The following SPOCK1 variants were observed in gnomAD, a reference collection of about 807,000 sequenced individuals.
SPOCK1 encodes the protein testican-1.
Under a neutral mutation model 55.3 loss-of-function variants are expected in SPOCK1, and 23 were observed. That is an observed-to-expected ratio of 0.42 (90% CI 0.30 to 0.59). The LOEUF (loss-of-function observed/expected upper bound fraction) is 0.59. Ranked by LOEUF, SPOCK1 falls within the 20% of genes least tolerant of loss-of-function variation. The probability of loss-of-function intolerance (pLI) is 0.22; values close to 1 mark genes in which losing one functional copy is unlikely to be tolerated. For synonymous variants in SPOCK1, 226 were observed against 221.0 expected (o/e 1.02, Z -0.20); for missense variants, 499 against 552.5 (o/e 0.90, Z 0.97).
At chr5:137,343,813 G>A (rs917403730) in intron 2 of SPOCK1, among the ~76,000 whole-genome samples, 3 of 152,186 alleles carry the variant, frequency 2.0e-5, no homozygotes, top group African/African-American at 7.2e-5. Context: ...AGCCTGTAAG[G>A]TGCTGGGGGC....
chr5:137,197,696 T>G (rs1755330038), intron 3 of SPOCK1, among the ~76,000 whole-genome samples: 1 of 152,202 alleles, frequency 6.6e-6, no homozygotes, highest in Non-Finnish European at 1.5e-5. Flanking sequence ...TAATGTGGAA[T>G]AGGAGATAAG....
intron 2 of SPOCK1, among the ~76,000 whole-genome samples, chr5:137,423,775 GCTGCACCCACTGTC>G (rs1752551620): frequency 6.6e-6 from 1 of 152,174 alleles, no homozygotes; most frequent in African/African-American, 2.4e-5. Flanking sequence ...TGCTCGGTGT[GCTGCACCCACTGTC>G]CTGCACCCAC....
At chr5:137,332,171 C>G (rs573632703) in intron 2 of SPOCK1, among the ~76,000 whole-genome samples, 1 of 152,140 alleles carries the variant, frequency 6.6e-6, no homozygotes, top group South Asian at 2.1e-4. Flanking sequence ...GCTTTTCATG[C>G]TCTTTTCCTC....
At chr5:137,039,107 C>A (rs964955899) in intron 6 of SPOCK1, among the ~76,000 whole-genome samples, 1 of 152,016 alleles carries the variant, frequency 6.6e-6, no homozygotes, top group Non-Finnish European at 1.5e-5. Flanking sequence ...TTGATCATTT[C>A]ATTAAAACCT....
At chr5:137,168,872 G>C (rs76383736) in intron 3 of SPOCK1, among the ~76,000 whole-genome samples, 2,037 of 152,224 alleles carry the variant, frequency 0.013, 46 homozygotes, top group African/African-American at 0.045. Flanking sequence ...GAGGAAATCA[G>C]TTAACTGAAG....
chr5:137,456,283 G>C (rs1753367596), intron 2 of SPOCK1, among the ~76,000 whole-genome samples: 1 of 151,976 alleles, frequency 6.6e-6, no homozygotes, highest in Non-Finnish European at 1.5e-5. Flanking sequence ...GCTTTCCTTT[G>C]GACAGGAGGA....
At chr5:137,203,067 T>G (rs1000692029) in intron 3 of SPOCK1, among the ~76,000 whole-genome samples, 1 of 152,230 alleles carries the variant, frequency 6.6e-6, no homozygotes, top group Admixed American at 6.5e-5. Flanking sequence ...TTCAGCTTTT[T>G]CAAGCCATTT....
At chr5:137,108,152 T>C (rs1334240227) in intron 5 of SPOCK1, among the ~76,000 whole-genome samples, 4 of 152,206 alleles carry the variant, frequency 2.6e-5, no homozygotes, top group Non-Finnish European at 5.9e-5. Context: ...TCCAACAGGT[T>C]TGTCTCTGAG....
chr5:137,431,759 C>T (rs543310734), intron 2 of SPOCK1, among the ~76,000 whole-genome samples: 23 of 152,298 alleles, frequency 1.5e-4, no homozygotes, highest in African/African-American at 3.4e-4. Context: ...CCCCTTTGAC[C>T]TTCTCACTAT....
At position 137,261,787 on chromosome 5, in the gene SPOCK1, A is replaced by G. The variant is rs1489843335; in HGVS notation, c.232+5223T>C. Among the ~76,000 whole-genome samples the G allele has an allele frequency of 2.6e-5, 4 of 152,224 alleles. No homozygotes were observed. In the East Asian group the frequency reaches 7.7e-4, roughly 29 times the overall value. ...TTTAAAGGAACCCACTTGTCTCAGGAAAGTCCCATGCTAAATCTCTCCAGC... is the reference window on the plus strand; with the variant it reads ...TTTAAAGGAACCCACTTGTCTCAGGGAAGTCCCATGCTAAATCTCTCCAGC... On this transcript the variant is annotated intron_variant, in intron 3 of 10. Transcript: ENST00000394945.
intron 2 of SPOCK1, among the ~76,000 whole-genome samples, chr5:137,429,902 C>T (rs1752707134): frequency 6.6e-6 from 1 of 152,198 alleles, no homozygotes; most frequent in Admixed American, 6.5e-5. Flanking sequence ...CTGATGTGTA[C>T]ACTATGATTG....
intron 3 of SPOCK1, among the ~76,000 whole-genome samples, chr5:137,228,946 C>T (rs1755999871): frequency 6.6e-6 from 1 of 152,184 alleles, no homozygotes; most frequent in Non-Finnish European, 1.5e-5. Flanking sequence ...TTTGTTAGAA[C>T]TTACCCTGGG....
intron 3 of SPOCK1, among the ~76,000 whole-genome samples, chr5:137,179,882 C>T (rs915059672): frequency 1.3e-5 from 2 of 152,150 alleles, no homozygotes; most frequent in Non-Finnish European, 2.9e-5. Flanking sequence ...GTCATGTGCT[C>T]CTTGAAGACC....
intron 2 of SPOCK1, among the ~76,000 whole-genome samples, chr5:137,323,713 T>A (rs1007907774): frequency 6.6e-6 from 1 of 151,928 alleles, no homozygotes; most frequent in Admixed American, 6.6e-5. Context: ...ATGGCCAACA[T>A]GTATGGGAAA....
chr5:137,315,822 T>C (rs1757870896), intron 2 of SPOCK1, among the ~76,000 whole-genome samples: 1 of 152,154 alleles, frequency 6.6e-6, no homozygotes, highest in Non-Finnish European at 1.5e-5. Context: ...TCAGACTTCA[T>C]GGTGCCTATG....
At chr5:137,390,476 G>A (rs1751695433) in intron 2 of SPOCK1, among the ~76,000 whole-genome samples, 1 of 152,178 alleles carries the variant, frequency 6.6e-6, no homozygotes, top group Admixed American at 6.5e-5. Flanking sequence ...TTTGTCTTGA[G>A]GAAGAAGGTC....
At chr5:137,186,864 G>A (rs1755079375) in intron 3 of SPOCK1, among the ~76,000 whole-genome samples, 2 of 152,052 alleles carry the variant, frequency 1.3e-5, no homozygotes, top group Non-Finnish European at 2.9e-5. Flanking sequence ...CTCACCAGAG[G>A]ACCAATGACC....
At chr5:137,293,794 A>G (rs1043776239) in intron 2 of SPOCK1, among the ~76,000 whole-genome samples, 1 of 152,214 alleles carries the variant, frequency 6.6e-6, no homozygotes, top group African/African-American at 2.4e-5. Flanking sequence ...AGGCGGGTGG[A>G]TCATGAGGTC....
At chr5:137,407,231 G>A (rs1331609046) in intron 2 of SPOCK1, among the ~76,000 whole-genome samples, 1 of 152,188 alleles carries the variant, frequency 6.6e-6, no homozygotes, top group Admixed American at 6.5e-5. Context: ...GCTGTCCGAG[G>A]AGAATGGGCA....
Sources: allele counts gnomAD v4.1 joint callset (sites outside exome capture counted in the v4.1 genomes callset), GRCh38; gene constraint gnomAD v4.1.1; transcripts MANE v1.5; gene names NCBI Gene and HGNC (gene_info 2026-07-23, HGNC 2026-07-21).